PLCB3: variants seen among roughly 807,000 people sequenced by gnomAD.
PLCB3 encodes the protein 1-phosphatidylinositol 4,5-bisphosphate phosphodiesterase beta-3.
PLCB3 carries 54 observed loss-of-function variants against 152.1 expected under a neutral mutation model. The ratio of observed to expected loss-of-function variants is 0.36; its 90% CI spans 0.29 to 0.45. The LOEUF (loss-of-function observed/expected upper bound fraction) is 0.45, where lower values mean the gene tolerates loss of function less well. PLCB3 is among the 20% of genes least tolerant of loss of function. PLCB3 has a pLI of 1.00. For synonymous variants in PLCB3, 717 were observed against 698.7 expected (o/e 1.03, Z -0.41); for missense variants, 1,248 against 1,687.5 (o/e 0.74, Z 4.56).
chr11:64,252,662 G>T (rs1220839086), intron 1 of PLCB3, among the ~76,000 whole-genome samples: 2 of 152,194 alleles, frequency 1.3e-5, no homozygotes, highest in African/African-American at 4.8e-5. Flanking sequence ...GTGGCCTGAA[G>T]CGGCAGGTGT....
rs751051176 is a variant in PLCB3, at chr11:64,262,018, G to A, written c.1980G>A (p.Met660Ile). The change falls in exon 17 of 31, where the codon ATG becomes ATA. Residue 660 changes from methionine to isoleucine, a missense_variant. By Grantham distance (10) the Met-to-Ile change is conservative. Around this residue, in one of 6 missense-constraint regions of PLCB3, gnomAD observed 244 missense variants for 424.4 expected, o/e 0.57. Coordinates refer to ENST00000279230, the MANE Select transcript of PLCB3 (RefSeq NM_000932.5). ...KGTRVDSSNY[M>I]PQLFWNVGCQ... ...CCCGCGTGGACTCCTCCAACTACAT[G>A]CCCCAGCTCTTCTGGAACGTAGGGT... The A allele has an allele frequency of 2.5e-6, 4 of 1,614,186 alleles. No homozygotes were observed. In the South Asian group the frequency reaches 3.3e-5, roughly 13 times the overall value.
rs1408968813 is a variant in PLCB3 at position 64,256,851 on chromosome 11, C to G, written c.1012+87C>G. The G allele has an allele frequency of 2.1e-6, 3 of 1,438,752 alleles. No individual in the cohort carries two copies. In the African/African-American group the frequency reaches 4.2e-5, roughly 20 times the overall value. The allele number at this position is 1,438,752 out of a possible 1,614,324, so 89.1% of individuals were successfully genotyped here. A position where few individuals can be genotyped will look rare whatever the true frequency, so the allele number is the denominator to read the frequency against. ...TCCTCCTGGGGCACAGTCCTTTTGGCCCATTTGCTCATTCATTGGCCAGTG... is the reference window on the plus strand; with the variant it reads ...TCCTCCTGGGGCACAGTCCTTTTGGGCCATTTGCTCATTCATTGGCCAGTG... On this transcript the variant is annotated intron_variant, in intron 10 of 30. Coordinates refer to ENST00000279230, the MANE Select transcript of PLCB3 (RefSeq NM_000932.5).
Position 64,258,470 on chromosome 11 carries a change from C to T in PLCB3, c.1013-3C>T, listed in dbSNP as rs1404459693. On this transcript the variant is annotated splice_polypyrimidine_tract_variant and splice_region_variant and intron_variant, in intron 10 of 30. Transcript: ENST00000279230. This position sits in a 1 kb window ranked among gnomAD's most constrained non-coding sequence, Gnocchi z 7.2. The stretch of plus-strand genomic sequence containing the variant: ...CCTCGGTGACAGAGCCTCGCCGCCC[C>T]AGCGGGGCAGCTGGCTGGGACCTCG... 1 of 1,611,830 alleles carries T rather than the reference C, an allele frequency of 6.2e-7. No homozygotes were observed. Among genetic ancestry groups the T allele is most frequent in the Non-Finnish European group, 8.5e-7 (1 of 1,179,194 alleles).
At chr11:64,257,431 T>C (rs1247849754) in intron 10 of PLCB3, among the ~76,000 whole-genome samples, 1 of 152,028 alleles carries the variant, frequency 6.6e-6, no homozygotes, top group African/African-American at 2.4e-5. Context: ...CTGGGCAACA[T>C]AGCATGACCC....
chr11:64,252,000 C>T (rs2031232255), intron 1 of PLCB3, among the ~76,000 whole-genome samples: 1 of 151,860 alleles, frequency 6.6e-6, no homozygotes, highest in African/African-American at 2.4e-5. Flanking sequence ...CAATAAACCC[C>T]GTCCCCCCGT....
At chr11:64,259,365 C>G (rs957204402) in intron 13 of PLCB3, 121 bp downstream of exon 13, 7 of 851,378 alleles carry the variant, frequency 8.2e-6, no homozygotes, top group Non-Finnish European at 1.2e-5. Context: ...TGCGCCTGTT[C>G]CCACAACCGG....
chr11:64,253,006 T>A (rs1011314849), intron 1 of PLCB3, among the ~76,000 whole-genome samples: 2 of 152,184 alleles, frequency 1.3e-5, no homozygotes, highest in Non-Finnish European at 1.5e-5. Context: ...TGGGGCTGGG[T>A]GTCAGCACAC....
At chr11:64,261,803 TG>T in intron 16 of PLCB3, 138 bp downstream of exon 16, 5 of 1,430,578 alleles carry the variant, frequency 3.5e-6, no homozygotes, top group Middle Eastern at 4.5e-4. Flanking sequence ...GCCTGGGGCT[TG>T]GGCAGATCCA....
rs1050500758 is a variant in PLCB3, at chr11:64,251,755, G to C, written c.99+7G>C. On this transcript the variant is annotated splice_region_variant and intron_variant, in intron 1 of 30. Transcript: ENST00000279230. Reference sequence around the variant, plus strand: ...GTTCATCAAATGGGACGAGGTAAGCGCGCGGGCCCCTGCTCCGCCCAAATC... The same window carrying C: ...GTTCATCAAATGGGACGAGGTAAGCCCGCGGGCCCCTGCTCCGCCCAAATC... 4.9e-6 allele frequency: 7 copies of C among 1,423,166 alleles called. No homozygotes were observed. In the African/African-American group the frequency reaches 1.0e-4, roughly 21 times the overall value. 88.2% of individuals were successfully genotyped at this position (1,423,166 alleles called of 1,614,324 possible).
chr11:64,267,627 G>GA lies in PLCB3; in HGVS notation c.*71_*72insA. ...GAGGGCAGGAGGCAATGACACTAAT[G>GA]CTTTTTTTTTTTTTTTTTAACTTTT... On this transcript the variant is annotated 3_prime_UTR_variant, in exon 31 of 31. Coordinates refer to ENST00000279230, the MANE Select transcript of PLCB3 (RefSeq NM_000932.5). The surrounding 1 kb of genome is among the most constrained non-coding windows in gnomAD (Gnocchi z 5.2). 1.1e-6 allele frequency: 1 copy of GA among 919,742 alleles called. No homozygotes were observed. The highest frequency in any genetic ancestry group is 1.6e-6 in the Non-Finnish European group (1 of 627,934). 57.0% of individuals were successfully genotyped at this position (919,742 alleles called of 1,614,324 possible). A position where few individuals can be genotyped will look rare whatever the true frequency, so the allele number is the denominator to read the frequency against.
chr11:64,257,295 C>T (rs527652973), intron 10 of PLCB3, among the ~76,000 whole-genome samples: 19 of 152,198 alleles, frequency 1.2e-4, no homozygotes, highest in African/African-American at 3.6e-4. Context: ...TGAGCCACCT[C>T]GCCCAGCCTG....
At position 64,258,153 on chromosome 11, in the gene PLCB3, CA is replaced by C. The variant is rs34969821; in HGVS notation, c.1013-304del. Among the ~76,000 whole-genome samples the C allele has an allele frequency of 2.2e-3, 218 of 99,044 alleles. No individual in the cohort carries two copies. The highest frequency in any genetic ancestry group is 2.4e-3 in the Admixed American group (23 of 9,768). The allele number at this position is 99,044 out of a possible 152,430, so 65.0% of individuals were successfully genotyped here. On this transcript the variant is annotated intron_variant, in intron 10 of 30. Transcript: ENST00000279230. The surrounding 1 kb of genome is among the most constrained non-coding windows in gnomAD (Gnocchi z 7.2). ...TGGGTGACAGAGCGAGGTTCCGTCT[CA>C]AAAAAAAAAAAAAAAGAGATTGGAT...
Position 64,265,121 on chromosome 11 carries a change from G to C in PLCB3, c.2806+17G>C, listed in dbSNP as rs754238826. 4.5e-6 allele frequency: 7 copies of C among 1,553,204 alleles called. No homozygotes were observed. The highest frequency in any genetic ancestry group is 6.1e-6 in the Non-Finnish European group (7 of 1,146,606). On this transcript the variant is annotated intron_variant, in intron 23 of 30. Transcript: ENST00000279230. ...GCAGCCCAGGTAAGGAGTGGCCTGG[G>C]TCGGGGGTGGGCTGCAGGGAGGCAC...
At position 64,258,456 on chromosome 11, in the gene PLCB3, G is replaced by C. The variant is rs1223448745; in HGVS notation, c.1013-17G>C. ...GGGCTGGTGGGCGGCCTCGGTGACA[G>C]AGCCTCGCCGCCCCAGCGGGGCAGC... On this transcript the variant is annotated splice_polypyrimidine_tract_variant and intron_variant, in intron 10 of 30. Transcript: ENST00000279230. This position sits in a 1 kb window ranked among gnomAD's most constrained non-coding sequence, Gnocchi z 7.2. 1 of 1,608,996 alleles carries C rather than the reference G, an allele frequency of 6.2e-7. No individual in the cohort carries two copies. The highest frequency in any genetic ancestry group is 8.5e-7 in the Non-Finnish European group (1 of 1,177,820).
intron 19 of PLCB3, 45 bp from the exon 20 acceptor site, chr11:64,263,453 T>C: frequency 1.6e-6 from 2 of 1,274,314 alleles, no homozygotes; most frequent in Non-Finnish European, 2.2e-6. Context: ...GTAGCCACAG[T>C]GGCCCAGGGT....
In PLCB3 at chr11:64,256,466, G is replaced by A; in HGVS notation, c.789G>A (p.Leu263=). Residue 263 remains leucine, a synonymous_variant, in exon 9 of 31, where the codon CTG becomes CTA. Coordinates refer to ENST00000279230, the MANE Select transcript of PLCB3 (RefSeq NM_000932.5). ...GCGACCCGAGACTCAACGAAGTGCT[G>A]TACCCGCCCCTGCGGCCCTCCCAGG... is the stretch of plus-strand genomic sequence containing the variant. The part of the protein sequence containing the change: ...KQRDPRLNEV[L]YPPLRPSQAR... 1.2e-6 allele frequency: 2 copies of A among 1,613,770 alleles called. No homozygotes were observed. Among genetic ancestry groups the A allele is most frequent in the Non-Finnish European group, 1.7e-6 (2 of 1,180,000 alleles).
Position 64,258,748 on chromosome 11 carries a change from G to C in PLCB3, c.1253+35G>C. On this transcript the variant is annotated intron_variant, in intron 11 of 30. Transcript: ENST00000279230. This position sits in a 1 kb window ranked among gnomAD's most constrained non-coding sequence, Gnocchi z 7.2. ...CCCCTGGCATGAAACCCCATGGACC[G>C]GGGGACAGTCTTCCAGCTTCAGTGC... The C allele has an allele frequency of 1.2e-6, 2 of 1,610,172 alleles. No homozygotes were observed. The highest frequency in any genetic ancestry group is 1.7e-6 in the Non-Finnish European group (2 of 1,177,464).
At chr11:64,256,832 T>C in intron 10 of PLCB3, 68 bp downstream of exon 10, 1 of 1,526,800 alleles carries the variant, frequency 6.5e-7, no homozygotes, top group Non-Finnish European at 9.0e-7. Flanking sequence ...CCACTCCTCC[T>C]GGGGCACAGT....
At chr11:64,264,151 C>T (rs774115336) in intron 22 of PLCB3, 39 bp downstream of exon 22, 2 of 1,365,500 alleles carry the variant, frequency 1.5e-6, no homozygotes, top group Non-Finnish European at 2.0e-6. Context: ...TCACTGTGAC[C>T]CAGGGGGCCG....
Sources: gnomAD v4.1 joint callset for allele counts (sites outside exome capture counted in the v4.1 genomes callset) on GRCh38, gnomAD v4.1.1 for gene constraint, gnomAD v4.1.1 regional missense constraint, Gnocchi (gnomAD v3.1) non-coding constraint, MANE v1.5 for transcripts, NCBI Gene and HGNC (gene_info 2026-07-23, HGNC 2026-07-21) for gene names.